OR3A2: variants seen among roughly 807,000 people sequenced by gnomAD.
OR3A2 encodes olfactory receptor family 3 subfamily A member 2.
For missense variants in OR3A2, 318 were observed against 392.8 expected (o/e 0.81, Z 1.61); for synonymous variants, 126 against 159.3 (o/e 0.79, Z 1.57).
At chr17:3,332,375 T>C (rs568731969) in intron 3 of OR3A2, among the ~76,000 whole-genome samples, 298 of 152,300 alleles carry the variant, frequency 2.0e-3, no homozygotes, top group African/African-American at 6.9e-3. Context: ...TCCGTGGGCG[T>C]AGGACCCTCC....
At chr17:3,289,111 G>A (rs1296575969), upstream of OR3A2, among the ~76,000 whole-genome samples, 2 of 150,218 alleles carry the variant, frequency 1.3e-5, no homozygotes, top group Admixed American at 1.3e-4. Flanking sequence ...GTGTGTGAGT[G>A]TGTGTTTGTG....
chr17:3,372,252 T>C (rs2049634927), intron 2 of OR3A2, among the ~76,000 whole-genome samples: 1 of 146,284 alleles, frequency 6.8e-6, no homozygotes, highest in African/African-American at 2.6e-5. Flanking sequence ...TGCTCCTCAC[T>C]TCCTAGATGG....
At chr17:3,294,172 AAT>A (rs1435818790) in intron 3 of OR3A2, among the ~76,000 whole-genome samples, 1 of 150,630 alleles carries the variant, frequency 6.6e-6, no homozygotes, top group Non-Finnish European at 1.5e-5. Context: ...CCTCTCTAAA[AAT>A]AAAATAAAAA....
At chr17:3,364,115 TACAG>T (rs899982373) in intron 2 of OR3A2, among the ~76,000 whole-genome samples, 25 of 152,280 alleles carry the variant, frequency 1.6e-4, no homozygotes, top group South Asian at 2.1e-4. Flanking sequence ...CAAAAGAATT[TACAG>T]ACAAAGTGTT....
At chr17:3,386,092 C>G (rs553987469) in intron 1 of OR3A2, 33 bp downstream of exon 1, 57 of 398,772 alleles carry the variant, frequency 1.4e-4, no homozygotes. Context: ...CGACGGGGCC[C>G]TCCGCTCCCC....
intron 3 of OR3A2, among the ~76,000 whole-genome samples, chr17:3,321,760 T>G (rs1192165545): frequency 6.6e-6 from 1 of 152,160 alleles, no homozygotes; most frequent in Non-Finnish European, 1.5e-5. Context: ...AGCTTTTTGA[T>G]GTGCTGCTGG....
At chr17:3,359,017 C>G (rs2049486737) in intron 2 of OR3A2, among the ~76,000 whole-genome samples, 1 of 151,804 alleles carries the variant, frequency 6.6e-6, no homozygotes, top group Non-Finnish European at 1.5e-5. Context: ...GAATTGAACC[C>G]TTTACCATTG....
At chr17:3,372,001 G>C (rs957691030) in intron 2 of OR3A2, among the ~76,000 whole-genome samples, 8 of 112,432 alleles carry the variant, frequency 7.1e-5, no homozygotes, top group African/African-American at 3.0e-4. Context: ...GTGGCTGCCG[G>C]GCAGAGGGGC....
intron 2 of OR3A2, among the ~76,000 whole-genome samples, chr17:3,381,479 C>T (rs529035853): frequency 8.5e-5 from 13 of 152,260 alleles, no homozygotes; most frequent in Admixed American, 2.0e-4. Flanking sequence ...TCCAGGGAGC[C>T]CAGCCCTGTG....
At chr17:3,276,550 T>A (rs1315595698), downstream of OR3A2, among the ~76,000 whole-genome samples, 1 of 152,186 alleles carries the variant, frequency 6.6e-6, no homozygotes, top group Non-Finnish European at 1.5e-5. Context: ...AATAAATATA[T>A]TTACACTGGG....
intron 2 of OR3A2, among the ~76,000 whole-genome samples, chr17:3,354,486 G>A (rs564643003): frequency 6.6e-6 from 1 of 151,112 alleles, no homozygotes; most frequent in East Asian, 1.9e-4. Context: ...TTGTATTTTG[G>A]ATTTCTTTAT....
intron 3 of OR3A2, among the ~76,000 whole-genome samples, chr17:3,319,048 G>A (rs1292302257): frequency 6.6e-6 from 1 of 152,028 alleles, no homozygotes. Context: ...GCTTTTACCT[G>A]CTACATACAC....
intron 3 of OR3A2, among the ~76,000 whole-genome samples, chr17:3,313,080 C>T (rs9899978): frequency 0.15 from 23,039 of 152,128 alleles, 2,322 homozygotes; most frequent in African/African-American, 0.28. Context: ...GTACTGGAAC[C>T]TGAGATTTTA....
chr17:3,332,545 C>T (rs568844774), intron 3 of OR3A2, among the ~76,000 whole-genome samples: 4 of 152,344 alleles, frequency 2.6e-5, no homozygotes, highest in Admixed American at 6.5e-5. Flanking sequence ...GGCAATGCCT[C>T]GCCCTGCTTC....
At chr17:3,366,700 ATAT>A in intron 2 of OR3A2, among the ~76,000 whole-genome samples, 1 of 152,210 alleles carries the variant, frequency 6.6e-6, no homozygotes, top group Non-Finnish European at 1.5e-5. Flanking sequence ...TTCATGGCAG[ATAT>A]TCTTGAGTCT....
rs189573688 is a variant in OR3A2, at chr17:3,323,124, A to G, written c.-85+12909T>C. Among the ~76,000 whole-genome samples, 48 of 152,248 alleles carry G rather than the reference A, an allele frequency of 3.2e-4. No homozygotes were observed. The East Asian group carries it at 7.7e-3, about 24-fold the overall frequency. On this transcript the variant is annotated intron_variant, in intron 3 of 4. Transcript: ENST00000573491. Reference sequence around the variant, plus strand: ...GAATTGATCCCTTTACCGTTAAGTAATGGCCTTGTCTCTTTTGATCTTTGT... The same window carrying G: ...GAATTGATCCCTTTACCGTTAAGTAGTGGCCTTGTCTCTTTTGATCTTTGT...
At chr17:3,323,628 G>T (rs981510806) in intron 3 of OR3A2, among the ~76,000 whole-genome samples, 1 of 151,962 alleles carries the variant, frequency 6.6e-6, no homozygotes, top group African/African-American at 2.4e-5. Flanking sequence ...GCTTAGTTTG[G>T]CTGGATATGA....
intron 3 of OR3A2, among the ~76,000 whole-genome samples, chr17:3,305,646 T>C (rs9914440): frequency 0.19 from 28,786 of 152,234 alleles, 4,278 homozygotes; most frequent in African/African-American, 0.41. Flanking sequence ...CACATGCAAA[T>C]GGTAGCATAT....
At chr17:3,364,913 A>C (rs1161499459) in intron 2 of OR3A2, among the ~76,000 whole-genome samples, 1 of 102,396 alleles carries the variant, frequency 9.8e-6, no homozygotes, top group Non-Finnish European at 1.9e-5. Flanking sequence ...ATAAGCACTA[A>C]GGTAAAAAAA....
Sources: gnomAD v4.1 joint callset for allele counts (sites outside exome capture counted in the v4.1 genomes callset) on GRCh38, gnomAD v4.1.1 for gene constraint, MANE v1.5 for transcripts, NCBI Gene and HGNC (gene_info 2026-07-23, HGNC 2026-07-21) for gene names.